The following MARCHF1 variants were observed in gnomAD, a reference collection of about 807,000 sequenced individuals.
The protein encoded by MARCHF1 is membrane associated ring-CH-type finger 1.
Under a neutral mutation model 54.2 loss-of-function variants are expected in MARCHF1, and 40 were observed. That is an observed-to-expected ratio of 0.74 (90% confidence interval 0.57 to 0.96). The LOEUF is 0.96. Ranked by LOEUF, MARCHF1 falls within the 40% of genes least tolerant of loss-of-function variation. MARCHF1 has a pLI of 0.00. For synonymous variants in MARCHF1, 236 were observed against 236.3 expected (o/e 1.00, Z 0.01); for missense variants, 586 against 656.5 (o/e 0.89, Z 1.17).
intron 5 of MARCHF1, among the ~76,000 whole-genome samples, chr4:163,663,147 TTA>T (rs1461532977): frequency 2.0e-5 from 3 of 152,110 alleles, no homozygotes; most frequent in Admixed American, 6.6e-5. Flanking sequence ...AAGCTTCTTT[TTA>T]TCTCTCTGTG....
At chr4:163,580,345 T>G (rs1233983037) in intron 8 of MARCHF1, among the ~76,000 whole-genome samples, 1 of 152,198 alleles carries the variant, frequency 6.6e-6, no homozygotes, top group Non-Finnish European at 1.5e-5. Context: ...CCCAAAGTGC[T>G]GGGATTACAG....
intron 4 of MARCHF1, among the ~76,000 whole-genome samples, chr4:163,763,038 C>A (rs1746872196): frequency 6.6e-6 from 1 of 152,032 alleles, no homozygotes; most frequent in Admixed American, 6.6e-5. Context: ...CACAATTTTA[C>A]CATTTACTTT....
At chr4:163,574,140 G>T (rs1014672758) in intron 8 of MARCHF1, among the ~76,000 whole-genome samples, 1 of 151,902 alleles carries the variant, frequency 6.6e-6, no homozygotes, top group Non-Finnish European at 1.5e-5. Context: ...CATGTCCTTC[G>T]CCCACTTTTT....
chr4:164,301,595 T>C (rs552130501), intron 1 of MARCHF1, among the ~76,000 whole-genome samples: 17 of 152,026 alleles, frequency 1.1e-4, no homozygotes, highest in Admixed American at 3.3e-4. Flanking sequence ...ACCTTGGGAG[T>C]GGGCAAAATT....
At chr4:163,824,709 C>G (rs1448521728) in intron 4 of MARCHF1, among the ~76,000 whole-genome samples, 1 of 85,478 alleles carries the variant, frequency 1.2e-5, no homozygotes, top group East Asian at 3.4e-4. Context: ...AGGCAACCTA[C>G]AAAATGGGAG....
chr4:164,143,674 GC>G (rs1261811849), intron 1 of MARCHF1, among the ~76,000 whole-genome samples: 1 of 152,070 alleles, frequency 6.6e-6, no homozygotes, highest in African/African-American at 2.4e-5. Context: ...TGAAAGAAGC[GC>G]TAAACATGGA....
rs1475457141 is a variant in MARCHF1 at position 163,528,735 on chromosome 4, C to T, written c.*13G>A. The T allele has an allele frequency of 1.3e-6, 2 of 1,593,128 alleles. No individual in the cohort carries two copies. Among genetic ancestry groups the T allele is most frequent in the Middle Eastern group, 1.7e-4 (1 of 5,836 alleles). On this transcript the variant is annotated 3_prime_UTR_variant, in exon 10 of 10. Coordinates refer to ENST00000514618, the MANE Select transcript of MARCHF1 (RefSeq NM_001394959.1). Reference sequence around the variant, plus strand: ...AAGATATTCTTCGGTGAAGAAACTCCCAACAGGTTCCATCAGACTGATACA... The same window carrying T: ...AAGATATTCTTCGGTGAAGAAACTCTCAACAGGTTCCATCAGACTGATACA...
At chr4:163,911,241 T>C (rs1751182647) in intron 3 of MARCHF1, among the ~76,000 whole-genome samples, 1 of 152,146 alleles carries the variant, frequency 6.6e-6, no homozygotes, top group South Asian at 2.1e-4. Flanking sequence ...GGTGATTGAG[T>C]AATTTGATTG....
At chr4:164,283,228 A>G (rs1037165912) in intron 1 of MARCHF1, among the ~76,000 whole-genome samples, 1 of 151,118 alleles carries the variant, frequency 6.6e-6, no homozygotes, top group Non-Finnish European at 1.5e-5. Flanking sequence ...TAAAATCAGC[A>G]ACACAAAAAT....
intron 2 of MARCHF1, among the ~76,000 whole-genome samples, chr4:164,047,422 C>T (rs2111034579): frequency 6.6e-6 from 1 of 152,282 alleles, no homozygotes; most frequent in Admixed American, 6.5e-5. Flanking sequence ...GCAGAGAAAC[C>T]AGCCAAATCC....
At chr4:164,074,633 C>A (rs888483587) in intron 2 of MARCHF1, among the ~76,000 whole-genome samples, 13 of 151,886 alleles carry the variant, frequency 8.6e-5, no homozygotes, top group African/African-American at 3.1e-4. Context: ...ACCATGTAGT[C>A]ATTTTAAAAG....
intron 1 of MARCHF1, among the ~76,000 whole-genome samples, chr4:164,175,942 G>T (rs963839323): frequency 3.3e-5 from 5 of 152,108 alleles, no homozygotes; most frequent in African/African-American, 1.2e-4. Context: ...TTTCTATTTG[G>T]ACCTCAATAA....
At chr4:163,893,270 C>CT (rs1260200395) in intron 3 of MARCHF1, among the ~76,000 whole-genome samples, 1 of 152,026 alleles carries the variant, frequency 6.6e-6, no homozygotes, top group Non-Finnish European at 1.5e-5. Context: ...TCCTGAGTAG[C>CT]TGGGATTACA....
chr4:164,199,947 G>A (rs972717468), intron 1 of MARCHF1, among the ~76,000 whole-genome samples: 4 of 152,114 alleles, frequency 2.6e-5, no homozygotes, highest in African/African-American at 7.2e-5. Context: ...TTCCCAGGAA[G>A]GCAGGCTACT....
chr4:163,833,969 C>T (rs139204504), intron 4 of MARCHF1, among the ~76,000 whole-genome samples: 2 of 152,102 alleles, frequency 1.3e-5, no homozygotes, highest in African/African-American at 4.8e-5. Flanking sequence ...AATGGAGAAT[C>T]CTGTCTTTAT....
intron 1 of MARCHF1, among the ~76,000 whole-genome samples, chr4:164,134,543 T>G (rs974364366): frequency 6.6e-6 from 1 of 152,176 alleles, no homozygotes; most frequent in Admixed American, 6.5e-5. Context: ...TCCTGCTAAT[T>G]TGAAACCAAG....
chr4:163,807,177 T>C (rs1748251059), intron 4 of MARCHF1, among the ~76,000 whole-genome samples: 1 of 152,166 alleles, frequency 6.6e-6, no homozygotes, highest in Admixed American at 6.6e-5. Flanking sequence ...CACGGAAGTC[T>C]CCAGTAGTAA....
rs1431541171 is a variant in MARCHF1 at position 163,848,249 on chromosome 4, TG to T, written c.111+5771del. 8.5e-5 allele frequency among the ~76,000 whole-genome samples: 13 copies of T among 152,324 alleles called. No individual in the cohort carries two copies. The East Asian group carries it at 2.5e-3, about 29-fold the overall frequency. On this transcript the variant is annotated intron_variant, in intron 4 of 9. Transcript: ENST00000514618. ...TTCTAGAGCAACAAGCATCTCATCC[TG>T]GAATATAATACACAGGCAAGAAAGT... is the stretch of plus-strand genomic sequence containing the variant.
At chr4:164,038,312 T>C (rs1327078000) in intron 2 of MARCHF1, among the ~76,000 whole-genome samples, 1 of 152,018 alleles carries the variant, frequency 6.6e-6, no homozygotes, top group Non-Finnish European at 1.5e-5. Context: ...GCTAACACGG[T>C]GAAATCCTGT....
Sources: allele counts gnomAD v4.1 joint callset (sites outside exome capture counted in the v4.1 genomes callset), GRCh38; gene constraint gnomAD v4.1.1; transcripts MANE v1.5; gene names NCBI Gene and HGNC (gene_info 2026-07-23, HGNC 2026-07-21).